Variants in TAF2 observed in about 807,000 individuals in gnomAD.
TAF2 encodes transcription initiation factor TFIID subunit 2.
Under a neutral mutation model 138.5 loss-of-function variants are expected in TAF2, and 61 were observed. That is an observed-to-expected ratio of 0.44 (90% CI 0.36 to 0.54). TAF2 has a LOEUF of 0.54. TAF2 is among the 20% of genes least tolerant of loss of function. The pLI is 0.00. For synonymous variants in TAF2, 475 were observed against 469.9 expected (o/e 1.01, Z -0.14); for missense variants, 1,090 against 1,427.9 (o/e 0.76, Z 3.81).
chr8:119,815,476 G>C (rs528852721), intron 3 of TAF2, among the ~76,000 whole-genome samples: 4 of 151,760 alleles, frequency 2.6e-5, no homozygotes, highest in African/African-American at 7.3e-5. Flanking sequence ...GGATTTCACC[G>C]TGTTAGCCAG....
chr8:119,777,551 G>A (rs1315928660), intron 18 of TAF2, among the ~76,000 whole-genome samples: 1 of 151,866 alleles, frequency 6.6e-6, no homozygotes, highest in African/African-American at 2.4e-5. Flanking sequence ...TTTGAAGCAG[G>A]ACATCCAATT....
At chr8:119,776,719 T>G (rs1822272542) in intron 18 of TAF2, among the ~76,000 whole-genome samples, 1 of 152,110 alleles carries the variant, frequency 6.6e-6, no homozygotes, top group Non-Finnish European at 1.5e-5. Context: ...TGATTTATCC[T>G]AACACTTACT....
At chr8:119,832,447 C>G in intron 1 of TAF2, 35 bp downstream of exon 1, 1 of 1,605,872 alleles carries the variant, frequency 6.2e-7, no homozygotes, top group South Asian at 1.1e-5. Flanking sequence ...GGCAACAAAA[C>G]CAAAAGGAAG....
At chr8:119,760,035 C>CG (rs1403521963) in intron 20 of TAF2, among the ~76,000 whole-genome samples, 2 of 151,986 alleles carry the variant, frequency 1.3e-5, no homozygotes, top group African/African-American at 4.8e-5. Flanking sequence ...TTACGCCCCC[C>CG]CAGAGTATTC....
chr8:119,805,789 T>C (rs1371888610), intron 4 of TAF2, among the ~76,000 whole-genome samples: 4 of 152,080 alleles, frequency 2.6e-5, no homozygotes, highest in Non-Finnish European at 5.9e-5. Context: ...TGAAATGGTA[T>C]CATCCTGTTA....
Position 119,734,202 on chromosome 8 carries a change from G to A in TAF2, c.3338-2016C>T, listed in dbSNP as rs999681766. On this transcript the variant is annotated intron_variant, in intron 25 of 25. Coordinates refer to ENST00000378164, the MANE Select transcript of TAF2 (RefSeq NM_003184.4). ...CTGCTTTTTATCTGCTTAAAAACCC[G>A]GTTGGTTCTACTGACAGTACAAAAG... Among the ~76,000 whole-genome samples the A allele has an allele frequency of 1.7e-4, 26 of 152,142 alleles. No individual in the cohort carries two copies. In the East Asian group the frequency reaches 2.3e-3, roughly 14 times the overall value.
At position 119,832,463 on chromosome 8, in the gene TAF2, G is replaced by C. The variant is rs376024040; in HGVS notation, c.83+19C>G. ...GCAACAAAACCAAAAGGAAGGAAGG[G>C]AAATGAAAAAATACTTATAATTTAT... On this transcript the variant is annotated intron_variant, in intron 1 of 25. Transcript: ENST00000378164. The C allele has an allele frequency of 9.9e-6, 16 of 1,610,574 alleles. No individual in the cohort carries two copies. In the African/African-American group the frequency reaches 1.9e-4, roughly 19 times the overall value.
At chr8:119,734,507 T>C (rs1000923901) in intron 25 of TAF2, among the ~76,000 whole-genome samples, 1 of 152,192 alleles carries the variant, frequency 6.6e-6, no homozygotes, top group African/African-American at 2.4e-5. Flanking sequence ...AAGTTACCTT[T>C]CCAGCCTTCC....
chr8:119,831,945 G>A (rs1375359421), intron 1 of TAF2, among the ~76,000 whole-genome samples: 1 of 152,112 alleles, frequency 6.6e-6, no homozygotes, highest in Non-Finnish European at 1.5e-5. Context: ...CGGATCACGA[G>A]GTCAAGAGTT....
intron 6 of TAF2, among the ~76,000 whole-genome samples, chr8:119,799,148 A>T (rs1035526195): frequency 2.2e-5 from 3 of 134,772 alleles, no homozygotes; most frequent in East Asian, 1.9e-4. Flanking sequence ...TTGATTTTTT[A>T]AAATTTTTTT....
At chr8:119,814,139 A>T (rs1325817161) in intron 3 of TAF2, among the ~76,000 whole-genome samples, 1 of 151,992 alleles carries the variant, frequency 6.6e-6, no homozygotes, top group African/African-American at 2.4e-5. Context: ...TATAAAAATA[A>T]AAAAATTAAG....
At chr8:119,737,953 T>C (rs1819341730) in intron 25 of TAF2, among the ~76,000 whole-genome samples, 2 of 152,112 alleles carry the variant, frequency 1.3e-5, no homozygotes, top group Admixed American at 6.6e-5. Flanking sequence ...CACAAATATG[T>C]TAATTGGCAG....
At chr8:119,748,131 A>G (rs1342698740) in intron 22 of TAF2, among the ~76,000 whole-genome samples, 3 of 151,860 alleles carry the variant, frequency 2.0e-5, no homozygotes, top group Non-Finnish European at 4.4e-5. Context: ...CTCAAAAAAT[A>G]AAGAAAGGAA....
intron 8 of TAF2, 67 bp from the exon 9 acceptor site, chr8:119,795,698 A>G: frequency 5.9e-6 from 8 of 1,348,502 alleles, no homozygotes; most frequent in Non-Finnish European, 8.5e-6. Flanking sequence ...GTCAAAGAGG[A>G]TAACGGAATA....
At chr8:119,732,320 T>C (rs1413089009) in intron 25 of TAF2, 134 bp from the exon 26 acceptor site, 2 of 795,286 alleles carry the variant, frequency 2.5e-6, no homozygotes, top group Non-Finnish European at 4.2e-6. Flanking sequence ...ATGGGAGAAG[T>C]ATCTAAATAA....
At chr8:119,770,702 C>G (rs1821770926) in intron 18 of TAF2, among the ~76,000 whole-genome samples, 1 of 152,128 alleles carries the variant, frequency 6.6e-6, no homozygotes, top group Admixed American at 6.6e-5. Context: ...AGGCAACTAC[C>G]CACAACACTA....
chr8:119,763,753 G>A (rs943913710), intron 18 of TAF2, among the ~76,000 whole-genome samples: 2 of 151,862 alleles, frequency 1.3e-5, no homozygotes, highest in Non-Finnish European at 2.9e-5. Context: ...CTGCACCACT[G>A]TACTCTATTT....
chr8:119,829,582 T>C (rs1826314752), intron 2 of TAF2, among the ~76,000 whole-genome samples: 1 of 152,038 alleles, frequency 6.6e-6, no homozygotes, highest in African/African-American at 2.4e-5. Flanking sequence ...CATACATATA[T>C]GTATATCTGC....
chr8:119,759,152 T>C (rs1479982685), intron 20 of TAF2, among the ~76,000 whole-genome samples: 1 of 152,156 alleles, frequency 6.6e-6, no homozygotes, highest in African/African-American at 2.4e-5. Context: ...ACATTTTCTT[T>C]CATGCCAAAA....
Sources: allele counts gnomAD v4.1 joint callset (sites outside exome capture counted in the v4.1 genomes callset), GRCh38; gene constraint gnomAD v4.1.1; transcripts MANE v1.5; gene names NCBI Gene and HGNC (gene_info 2026-07-23, HGNC 2026-07-21).